The following ADGRG7 variants were observed in gnomAD, a reference collection of about 807,000 sequenced individuals.
ADGRG7 encodes G-protein coupled receptor 128.
In ADGRG7, 82 loss-of-function variants were observed where a neutral mutation model predicts 88.6. The ratio of observed to expected loss-of-function variants is 0.93; its 90% CI spans 0.77 to 1.11. The LOEUF is 1.11. Ranked by LOEUF, ADGRG7 falls within the 50% of genes most tolerant of loss-of-function variation. The probability of loss-of-function intolerance (pLI) is 0.00; values close to 1 mark genes in which losing one functional copy is unlikely to be tolerated. For missense variants in ADGRG7, 945 were observed against 953.4 expected, an observed-to-expected ratio of 0.99 and a Z score of 0.12; for synonymous variants, 381 against 345.2, an observed-to-expected ratio of 1.10 and a Z score of -1.15.
rs1218730786 is a variant in ADGRG7, at chr3:100,635,657, T to G, written c.448-20T>G. 1 of 1,606,408 alleles carries G rather than the reference T, an allele frequency of 6.2e-7. No homozygotes were observed. The highest frequency in any genetic ancestry group is 8.5e-7 in the Non-Finnish European group (1 of 1,177,514). On this transcript the variant is annotated intron_variant, in intron 4 of 15. Coordinates refer to ENST00000273352, the MANE Select transcript of ADGRG7 (RefSeq NM_032787.3). The stretch of plus-strand genomic sequence containing the variant: ...CATAATTGTGTAAAGCTAGGGTTTT[T>G]TTTCTGGTTTTTAAAACAGGTAAAG...
intron 1 of ADGRG7, 122 bp downstream of exon 1, chr3:100,610,093 C>G: frequency 1.4e-6 from 1 of 700,980 alleles, no homozygotes; most frequent in Non-Finnish European, 2.5e-6. Flanking sequence ...ACCAAGGTGC[C>G]ATTTATGGGA....
intron 1 of ADGRG7, among the ~76,000 whole-genome samples, chr3:100,621,146 C>T (rs574944866): frequency 2.8e-4 from 42 of 152,190 alleles, no homozygotes; most frequent in Admixed American, 5.9e-4. Flanking sequence ...AACTCTCATA[C>T]TCTTCTCAGG....
At chr3:100,653,081 A>G (rs1265418072) in intron 11 of ADGRG7, among the ~76,000 whole-genome samples, 1 of 152,214 alleles carries the variant, frequency 6.6e-6, no homozygotes, top group African/African-American at 2.4e-5. Context: ...ACATTAGTCC[A>G]AGGGAGATTC....
At chr3:100,688,593 C>T (rs150911828) in intron 15 of ADGRG7, among the ~76,000 whole-genome samples, 8,886 of 152,122 alleles carry the variant, frequency 0.058, 500 homozygotes, top group East Asian at 0.24. Context: ...TTCTTATTGG[C>T]TTCAAAGAAC....
At chr3:100,672,128 T>G (rs897128183) in intron 15 of ADGRG7, among the ~76,000 whole-genome samples, 2 of 152,220 alleles carry the variant, frequency 1.3e-5, no homozygotes, top group Admixed American at 6.5e-5. Flanking sequence ...TAGTATTGAA[T>G]CTATAAATTA....
chr3:100,660,268 G>A (rs1420744972), intron 14 of ADGRG7, among the ~76,000 whole-genome samples: 2 of 152,126 alleles, frequency 1.3e-5, no homozygotes, highest in Non-Finnish European at 2.9e-5. Context: ...TGTGTTGCTT[G>A]AATTACACAA....
Position 100,609,890 on chromosome 3 carries a change from C to G in ADGRG7, c.34C>G (p.Leu12Val), listed in dbSNP as rs1707120789. The change falls in exon 1 of 16, where the codon CTG becomes GTG. Residue 12 changes from leucine to valine, a missense_variant. Coordinates refer to ENST00000273352, the MANE Select transcript of ADGRG7 (RefSeq NM_032787.3). Reference sequence around the variant, plus strand: ...CTGCCGTGCCTGGAACCTTAGGGTGCTGGTGGCTGTCGTGTGTGGACTACT... The same window carrying G: ...CTGCCGTGCCTGGAACCTTAGGGTGGTGGTGGCTGTCGTGTGTGGACTACT... ...ASCRAWNLRV[L>V]VAVVCGLLTG... is the part of the protein sequence containing the mutation. 1 of 1,613,920 alleles carries G rather than the reference C, an allele frequency of 6.2e-7. No individual in the cohort carries two copies. Among genetic ancestry groups the G allele is most frequent in the Non-Finnish European group, 8.5e-7 (1 of 1,179,846 alleles).
At chr3:100,625,095 G>A (rs1327512009) in intron 1 of ADGRG7, among the ~76,000 whole-genome samples, 6 of 152,128 alleles carry the variant, frequency 3.9e-5, no homozygotes, top group African/African-American at 4.8e-5. Context: ...AGTTTGATGC[G>A]AATAGAATTG....
At chr3:100,635,865 T>G (rs1159296472) in intron 5 of ADGRG7, 39 bp downstream of exon 5, 14 of 1,462,490 alleles carry the variant, frequency 9.6e-6, no homozygotes, top group Admixed American at 1.9e-5. Context: ...TTTTTTTTTA[T>G]TTTTAGAGGG....
intron 14 of ADGRG7, chr3:100,665,081 C>A (rs2094950115): frequency 2.0e-6 from 1 of 500,470 alleles, no homozygotes; most frequent in Non-Finnish European, 4.1e-6. Flanking sequence ...CTCACATAAC[C>A]ATTCTTCAGT....
At chr3:100,660,467 G>T (rs1448960423) in intron 14 of ADGRG7, among the ~76,000 whole-genome samples, 2 of 152,046 alleles carry the variant, frequency 1.3e-5, no homozygotes, top group Non-Finnish European at 2.9e-5. Flanking sequence ...ACCATGCCCA[G>T]CTAATCTTTT....
At chr3:100,645,909 G>T (rs1159234632) in intron 8 of ADGRG7, 36 bp from the exon 9 acceptor site, 1 of 1,582,468 alleles carries the variant, frequency 6.3e-7, no homozygotes, top group Middle Eastern at 2.0e-4. Context: ...ACCTTACAGT[G>T]CACTTATTGA....
At chr3:100,649,582 G>GAT in intron 10 of ADGRG7, 113 bp from the exon 11 acceptor site, 1 of 590,672 alleles carries the variant, frequency 1.7e-6, no homozygotes, top group Non-Finnish European at 3.0e-6. Flanking sequence ...ACAAAAGGAA[G>GAT]ATATATCTGG....
chr3:100,657,999 A>G lies in ADGRG7; in HGVS notation c.1824-1689A>G, dbSNP rs114188447. On this transcript the variant is annotated intron_variant, in intron 13 of 15. Coordinates refer to ENST00000273352, the MANE Select transcript of ADGRG7 (RefSeq NM_032787.3). ...GAAAATAAAATTAATTGAATGCCAA[A>G]TATGTGCCATAGCTTCTCACATCAT... Among the ~76,000 whole-genome samples the G allele has an allele frequency of 3.5e-3, 529 of 152,314 alleles. 5 individuals carry two copies. Among genetic ancestry groups the G allele is most frequent in the Non-Finnish European group, 5.1e-3 (350 of 68,028 alleles).
intron 15 of ADGRG7, among the ~76,000 whole-genome samples, chr3:100,678,800 G>C (rs971590065): frequency 6.6e-6 from 1 of 152,204 alleles, no homozygotes; most frequent in Non-Finnish European, 1.5e-5. Context: ...CAAGCAAACA[G>C]AGTGCCTCTC....
At chr3:100,642,756 C>G (rs1707665727) in intron 6 of ADGRG7, among the ~76,000 whole-genome samples, 1 of 152,234 alleles carries the variant, frequency 6.6e-6, no homozygotes, top group African/African-American at 2.4e-5. Flanking sequence ...TAGTTCATAG[C>G]TGAGGCAATG....
chr3:100,645,804 TA>T, intron 8 of ADGRG7, 140 bp from the exon 9 acceptor site: 1 of 705,526 alleles, frequency 1.4e-6, no homozygotes, highest in Non-Finnish European at 2.3e-6. Context: ...TGCAATTAAG[TA>T]AAGGTTCAAC....
intron 1 of ADGRG7, among the ~76,000 whole-genome samples, chr3:100,616,587 T>C (rs1403771988): frequency 1.3e-5 from 2 of 152,062 alleles, no homozygotes; most frequent in Admixed American, 6.6e-5. Context: ...CAGGCTGGAG[T>C]GTCACTTGAA....
At chr3:100,685,042 C>G (rs950270751) in intron 15 of ADGRG7, among the ~76,000 whole-genome samples, 15 of 151,726 alleles carry the variant, frequency 9.9e-5, no homozygotes, top group African/African-American at 3.4e-4. Flanking sequence ...TTATGCTTAA[C>G]TCTATATTTA....
Sources: allele counts gnomAD v4.1 joint callset (sites outside exome capture counted in the v4.1 genomes callset), GRCh38; gene constraint gnomAD v4.1.1; transcripts MANE v1.5; gene names NCBI Gene and HGNC (gene_info 2026-07-23, HGNC 2026-07-21).